Variants in UBN2 observed in about 807,000 individuals in gnomAD.
UBN2 encodes ubinuclein 2.
A neutral mutation model predicts 120.2 loss-of-function variants in UBN2; 35 were observed. That is an observed-to-expected ratio of 0.29 (90% CI 0.22 to 0.39). The LOEUF (loss-of-function observed/expected upper bound fraction) is 0.39, where lower values mean the gene tolerates loss of function less well. UBN2 is among the 10% of genes least tolerant of loss of function. The probability of loss-of-function intolerance (pLI) is 1.00; values close to 1 mark genes in which losing one functional copy is unlikely to be tolerated. For synonymous variants in UBN2, 661 were observed against 648.7 expected (o/e 1.02, Z -0.29); for missense variants, 1,693 against 1,663.2 (o/e 1.02, Z -0.31).
At chr7:139,232,081 G>C in intron 1 of UBN2, 129 bp downstream of exon 1, 1 of 845,026 alleles carries the variant, frequency 1.2e-6, no homozygotes, top group East Asian at 3.3e-5. Context: ...GGTGCGGGGG[G>C]CCGGGGCCGA....
chr7:139,237,416 C>G (rs1449348076), intron 2 of UBN2, among the ~76,000 whole-genome samples: 1 of 152,110 alleles, frequency 6.6e-6, no homozygotes, highest in Non-Finnish European at 1.5e-5. Flanking sequence ...CATGCCTCAG[C>G]CTCCCAAGTA....
chr7:139,277,391 A>ACTT (rs2131021315), intron 12 of UBN2: 1 of 152,362 alleles, frequency 6.6e-6, no homozygotes, highest in Admixed American at 6.5e-5. Context: ...CTTACTGATA[A>ACTT]CATAAATAGT....
chr7:139,321,630 C>T, the UBN2 span, among the ~76,000 whole-genome samples: 1 of 151,846 alleles, frequency 6.6e-6, no homozygotes, highest in Non-Finnish European at 1.5e-5. Context: ...GGCAGGTACC[C>T]TAGTGTCCAG....
intron 1 of UBN2, 108 bp downstream of exon 1, chr7:139,232,060 C>T: frequency 8.8e-7 from 1 of 1,131,502 alleles, no homozygotes; most frequent in Non-Finnish European, 1.2e-6. Flanking sequence ...TCCGGGTCGC[C>T]CCGAGGGTGG....
the UBN2 span, among the ~76,000 whole-genome samples, chr7:139,316,307 A>G: frequency 2.0e-5 from 3 of 152,202 alleles, no homozygotes; most frequent in South Asian, 6.2e-4. Flanking sequence ...TATATTAAGT[A>G]TAAAAGTACT....
chr7:139,252,091 C>T (rs1262311658), intron 3 of UBN2, 34 bp downstream of exon 3: 10 of 1,566,444 alleles, frequency 6.4e-6, no homozygotes, highest in Non-Finnish European at 8.8e-6. Flanking sequence ...GCAGCAAATT[C>T]ATTGTTTGTA....
intron 11 of UBN2, 71 bp from the exon 12 acceptor site, chr7:139,276,026 T>TA (rs755197387): frequency 1.8e-4 from 233 of 1,281,710 alleles, no homozygotes; most frequent in Admixed American, 5.0e-4. Context: ...TAAATTACTT[T>TA]AAAAAATAAA....
Position 139,259,260 on chromosome 7 carries a change from T to C in UBN2, c.802-7T>C. Reference sequence around the variant, plus strand: ...ACATAAATGATCATTCTTTTATCATTTTGCAGGTCCCCAAAATAAAAGAAG... The same window carrying C: ...ACATAAATGATCATTCTTTTATCATCTTGCAGGTCCCCAAAATAAAAGAAG... On this transcript the variant is annotated splice_polypyrimidine_tract_variant and splice_region_variant and intron_variant, in intron 4 of 17. Transcript: ENST00000473989. 6.2e-7 allele frequency: 1 copy of C among 1,611,962 alleles called. No homozygotes were observed.
chr7:139,269,318 G>T (rs1447967450), intron 7 of UBN2, 76 bp from the exon 8 acceptor site: 1 of 1,410,592 alleles, frequency 7.1e-7, no homozygotes, highest in Non-Finnish European at 9.6e-7. Context: ...ACAAGAACTG[G>T]CTTTGCTTTC....
chr7:139,269,830 G>A (rs957755442), intron 8 of UBN2, among the ~76,000 whole-genome samples: 7 of 151,196 alleles, frequency 4.6e-5, no homozygotes, highest in Admixed American at 4.6e-4. Flanking sequence ...CTTTTGATAC[G>A]GGGTCTTGCC....
intron 15 of UBN2, among the ~76,000 whole-genome samples, chr7:139,289,648 G>A (rs970857649): frequency 6.6e-6 from 1 of 152,064 alleles, no homozygotes; most frequent in African/African-American, 2.4e-5. Context: ...CTGGCCTCAG[G>A]TGATTCACCC....
intron 2 of UBN2, among the ~76,000 whole-genome samples, chr7:139,239,803 G>A (rs1417057519): frequency 1.3e-5 from 2 of 152,084 alleles, no homozygotes; most frequent in African/African-American, 2.4e-5. Flanking sequence ...GTAATCCACC[G>A]CCTTGGCCTC....
At chr7:139,260,163 A>G (rs1175358350) in intron 5 of UBN2, among the ~76,000 whole-genome samples, 2 of 151,962 alleles carry the variant, frequency 1.3e-5, no homozygotes, top group Admixed American at 6.6e-5. Context: ...CACTGGCACA[A>G]TCATGGCTCA....
chr7:139,270,725 A>C (rs1797248169), intron 8 of UBN2, among the ~76,000 whole-genome samples: 1 of 151,898 alleles, frequency 6.6e-6, no homozygotes, highest in African/African-American at 2.4e-5. Context: ...TCTAGGAACC[A>C]TGATACCAGA....
Position 139,297,861 on chromosome 7 carries a change from A to C in UBN2, c.*25A>C. 1 of 1,613,608 alleles carries C rather than the reference A, an allele frequency of 6.2e-7. No individual in the cohort carries two copies. The highest frequency in any genetic ancestry group is 8.5e-7 in the Non-Finnish European group (1 of 1,179,560). On this transcript the variant is annotated 3_prime_UTR_variant, in exon 18 of 18. Transcript: ENST00000473989. ...ACTGCCCAGCAAGCAAAGGAGACGAAATGTTTAGTTGACTGATGGAATCTA... is the reference window on the plus strand; with the variant it reads ...ACTGCCCAGCAAGCAAAGGAGACGACATGTTTAGTTGACTGATGGAATCTA...
At chr7:139,233,479 AC>A (rs1166028116) in intron 1 of UBN2, among the ~76,000 whole-genome samples, 1 of 152,172 alleles carries the variant, frequency 6.6e-6, no homozygotes, top group Non-Finnish European at 1.5e-5. Context: ...ACTGGTTCTT[AC>A]TGTGTGCTAG....
the UBN2 span, among the ~76,000 whole-genome samples, chr7:139,327,475 T>C: frequency 6.6e-6 from 1 of 152,152 alleles, no homozygotes; most frequent in Non-Finnish European, 1.5e-5. Flanking sequence ...ATCAAGGTGC[T>C]GGCATCTGGT....
intron 15 of UBN2, among the ~76,000 whole-genome samples, chr7:139,288,902 T>TGA: frequency 6.7e-6 from 1 of 149,516 alleles, no homozygotes; most frequent in East Asian, 2.0e-4. Flanking sequence ...CTTGAGAGGC[T>TGA]GAGGCAGGAG....
At chr7:139,268,453 G>A (rs1797162370) in intron 7 of UBN2, among the ~76,000 whole-genome samples, 1 of 152,054 alleles carries the variant, frequency 6.6e-6, no homozygotes, top group Non-Finnish European at 1.5e-5. Context: ...AGTTGTATTG[G>A]TGATGCCTTG....
Sources: gnomAD v4.1 joint callset for allele counts (sites outside exome capture counted in the v4.1 genomes callset) on GRCh38, gnomAD v4.1.1 for gene constraint, MANE v1.5 for transcripts, NCBI Gene and HGNC (gene_info 2026-07-23, HGNC 2026-07-21) for gene names.